Variants in HHAT observed in about 807,000 individuals in gnomAD.
The protein encoded by HHAT is hedgehog acyltransferase.
HHAT carries 47 observed loss-of-function variants against 70.8 expected under a neutral mutation model. The observed-to-expected ratio is 0.66, with a 90% confidence interval of 0.53 to 0.85. The LOEUF is 0.85. Ranked by LOEUF, HHAT falls within the 40% of genes least tolerant of loss-of-function variation. The pLI is 0.00. For synonymous variants in HHAT, 228 were observed against 247.6 expected (o/e 0.92, Z 0.74); for missense variants, 609 against 604.8 (o/e 1.01, Z -0.07).
At chr1:210,412,941 G>A (rs997545607) in intron 6 of HHAT, among the ~76,000 whole-genome samples, 3 of 152,204 alleles carry the variant, frequency 2.0e-5, no homozygotes, top group Admixed American at 6.5e-5. Context: ...GCCCACAGGA[G>A]CCACCCTTGG....
chr1:210,617,972 G>A (rs1057265537), intron 10 of HHAT, among the ~76,000 whole-genome samples: 3 of 152,332 alleles, frequency 2.0e-5, no homozygotes, highest in Admixed American at 6.5e-5. Context: ...GGCAAAGAGC[G>A]AGATGGGTGA....
At chr1:210,649,862 C>T (rs554826859) in intron 11 of HHAT, among the ~76,000 whole-genome samples, 25 of 152,334 alleles carry the variant, frequency 1.6e-4, no homozygotes, top group African/African-American at 5.5e-4. Flanking sequence ...CCACAAGGCA[C>T]TTATGCAAGG....
chr1:210,657,173 C>T (rs544158819), intron 11 of HHAT, among the ~76,000 whole-genome samples: 1 of 152,324 alleles, frequency 6.6e-6, no homozygotes, highest in East Asian at 1.9e-4. Context: ...TGAGAAATGG[C>T]TCCACAGCCA....
intron 7 of HHAT, among the ~76,000 whole-genome samples, chr1:210,418,849 A>G (rs576374351): frequency 6.6e-6 from 1 of 152,228 alleles, no homozygotes; most frequent in South Asian, 2.1e-4. Flanking sequence ...CCTGGCCAAG[A>G]AGGTGAAATC....
intron 6 of HHAT, among the ~76,000 whole-genome samples, chr1:210,412,260 T>G (rs1196000705): frequency 6.6e-6 from 1 of 152,174 alleles, no homozygotes; most frequent in African/African-American, 2.4e-5. Flanking sequence ...ATTAATAATA[T>G]TTTGCCCCTG....
At chr1:210,351,028 T>C (rs1453971365) in intron 2 of HHAT, among the ~76,000 whole-genome samples, 1 of 152,188 alleles carries the variant, frequency 6.6e-6, no homozygotes, top group Non-Finnish European at 1.5e-5. Context: ...TAAAAGGAGA[T>C]TTATTACAAG....
chr1:210,436,730 A>G (rs1277053088), intron 7 of HHAT, among the ~76,000 whole-genome samples: 1 of 151,756 alleles, frequency 6.6e-6, no homozygotes, highest in Non-Finnish European at 1.5e-5. Flanking sequence ...GTGATACCCC[A>G]CAAAATCCCC....
intron 8 of HHAT, among the ~76,000 whole-genome samples, chr1:210,496,246 C>CCT (rs1177713115): frequency 6.6e-6 from 1 of 152,094 alleles, no homozygotes; most frequent in Non-Finnish European, 1.5e-5. Flanking sequence ...CTCTTCCAGG[C>CCT]CTATGCCTGT....
intron 7 of HHAT, among the ~76,000 whole-genome samples, chr1:210,450,877 T>C (rs1299153200): frequency 6.6e-6 from 1 of 151,912 alleles, no homozygotes; most frequent in East Asian, 1.9e-4. Context: ...GGTCAGGAGA[T>C]CGAGACCATC....
intron 11 of HHAT, among the ~76,000 whole-genome samples, chr1:210,664,624 T>C (rs984406419): frequency 1.4e-4 from 21 of 152,218 alleles, no homozygotes; most frequent in Non-Finnish European, 5.9e-5. Flanking sequence ...AGCAGAGATA[T>C]GTACATACAG....
intron 9 of HHAT, among the ~76,000 whole-genome samples, chr1:210,563,714 A>C (rs1416722753): frequency 6.6e-6 from 1 of 152,106 alleles, no homozygotes; most frequent in African/African-American, 2.4e-5. Context: ...CCCTCAGCCC[A>C]TTGTTATTCT....
intron 9 of HHAT, among the ~76,000 whole-genome samples, chr1:210,543,850 G>A (rs888543677): frequency 6.6e-6 from 1 of 152,066 alleles, no homozygotes; most frequent in African/African-American, 2.4e-5. Context: ...CTGCCCATAG[G>A]GATAAATTCA....
intron 6 of HHAT, among the ~76,000 whole-genome samples, chr1:210,414,481 C>CA (rs1357488747): frequency 2.6e-5 from 4 of 151,218 alleles, no homozygotes; most frequent in East Asian, 3.9e-4. Flanking sequence ...TACATAGCTA[C>CA]AAAAAAAATC....
intron 8 of HHAT, among the ~76,000 whole-genome samples, chr1:210,465,633 T>C (rs1237159266): frequency 6.6e-6 from 1 of 152,216 alleles, no homozygotes; most frequent in African/African-American, 2.4e-5. Context: ...CATTCTTAAA[T>C]TTCATCTCTA....
At chr1:210,583,608 A>G (rs1445301096) in intron 9 of HHAT, among the ~76,000 whole-genome samples, 1 of 152,242 alleles carries the variant, frequency 6.6e-6, no homozygotes, top group African/African-American at 2.4e-5. Flanking sequence ...TCTATAAATT[A>G]GGAATAAAGA....
chr1:210,390,401 G>A (rs183563653), intron 4 of HHAT, among the ~76,000 whole-genome samples: 38 of 152,152 alleles, frequency 2.5e-4, no homozygotes, highest in Admixed American at 3.9e-4. Flanking sequence ...TAAAGAATTC[G>A]TTTCTTATTA....
intron 9 of HHAT, among the ~76,000 whole-genome samples, chr1:210,517,407 C>A (rs2095075436): frequency 6.6e-6 from 1 of 152,100 alleles, no homozygotes; most frequent in Non-Finnish European, 1.5e-5. Flanking sequence ...AGCTACTGCA[C>A]CTGGCCAGCA....
In HHAT at chr1:210,675,648, G is replaced by C. The variant is rs1021014707; in HGVS notation, c.*1269G>C. 8.5e-5 allele frequency: 13 copies of C among 152,182 alleles called. No homozygotes were observed. The highest frequency in any genetic ancestry group is 3.1e-4 in the African/African-American group (13 of 41,442). The allele number at this position is 152,182 out of a possible 1,614,324, so 9.4% of individuals were successfully genotyped here. A position where few individuals can be genotyped will look rare whatever the true frequency, so the allele number is the denominator to read the frequency against. On this transcript the variant is annotated 3_prime_UTR_variant, in exon 12 of 12. Coordinates refer to ENST00000261458, the MANE Select transcript of HHAT (RefSeq NM_018194.6). ...TTACATAGCATGGCCCTTATGTCTTGAGTTGAGGTTATCATCTCAATGAGG... is the reference window on the plus strand; with the variant it reads ...TTACATAGCATGGCCCTTATGTCTTCAGTTGAGGTTATCATCTCAATGAGG...
Position 210,401,112 on chromosome 1 carries a change from G to T in HHAT, c.468+450G>T, listed in dbSNP as rs975623111. On this transcript the variant is annotated intron_variant, in intron 5 of 11. Coordinates refer to ENST00000261458, the MANE Select transcript of HHAT (RefSeq NM_018194.6). ...TTTCTTCTTCCTAGTTGATGGAACA[G>T]ATTTATTTATTCATTTGTAGAGACG... Among the ~76,000 whole-genome samples, 11 of 152,266 alleles carry T rather than the reference G, an allele frequency of 7.2e-5. No homozygotes were observed. In the South Asian group the frequency reaches 1.2e-3, roughly 17 times the overall value.
Sources: gnomAD v4.1 joint callset for allele counts (sites outside exome capture counted in the v4.1 genomes callset) on GRCh38, gnomAD v4.1.1 for gene constraint, MANE v1.5 for transcripts, NCBI Gene and HGNC (gene_info 2026-07-23, HGNC 2026-07-21) for gene names.